Variants in PSPH observed in about 807,000 individuals in gnomAD.
PSPH encodes phosphoserine phosphatase, also known as L-3-phosphoserine phosphatase.
A neutral mutation model predicts 23.4 loss-of-function variants in PSPH; 16 were observed. That is an observed-to-expected ratio of 0.68 (90% CI 0.46 to 1.04). The LOEUF (loss-of-function observed/expected upper bound fraction) is 1.04. PSPH is among the 50% of genes least tolerant of loss of function. PSPH has a pLI of 0.00. For missense variants in PSPH, 223 were observed against 273.7 expected (o/e 0.81, Z 1.31); for synonymous variants, 68 against 99.7 (o/e 0.68, Z 1.89).
In PSPH at chr7:56,017,266, A is replaced by C. The variant is rs1207969767; in HGVS notation, c.389T>G (p.Val130Gly). Residue 130 changes from valine to glycine, a missense_variant, in exon 6 of 8, where the codon GTA becomes GGA. Val to Gly is a moderately radical substitution (Grantham distance 109). Coordinates refer to ENST00000275605, the MANE Select transcript of PSPH (RefSeq NM_004577.4). ...GTAGAATTTCAGCCTATTGGCAAAT[A>C]CATTGGTTGCTGGGATATTGAGCTT... is the stretch of plus-strand genomic sequence containing the variant. ...ASKLNIPATN[V>G]FANRLKFYFN... The C allele has an allele frequency of 6.2e-7, 1 of 1,613,978 alleles. No individual in the cohort carries two copies. The highest frequency in any genetic ancestry group is 2.2e-5 in the East Asian group (1 of 44,874).
At chr7:56,014,782 A>G (rs1298247079) in intron 7 of PSPH, among the ~76,000 whole-genome samples, 1 of 152,088 alleles carries the variant, frequency 6.6e-6, no homozygotes, top group East Asian at 1.9e-4. Flanking sequence ...TGTCTCTACT[A>G]AAAATACAAA....
In PSPH at chr7:56,011,778, C is replaced by T; in HGVS notation, c.662G>A (p.Gly221Glu). The change falls in exon 8 of 8, where the codon GGA becomes GAA. Residue 221 changes from glycine to glutamate, a missense_variant. Coordinates refer to ENST00000275605, the MANE Select transcript of PSPH (RefSeq NM_004577.4). The stretch of plus-strand genomic sequence containing the variant: ...CAATGGATGTTATTCTTCCAGTTCT[C>T]CCAGCAGCTCTACAAAATCAGTGAT... ...WYITDFVELL[G>E]ELEE 1 of 1,612,226 alleles carries T rather than the reference C, an allele frequency of 6.2e-7. No homozygotes were observed. Among genetic ancestry groups the T allele is most frequent in the South Asian group, 1.1e-5 (1 of 91,038 alleles).
intron 5 of PSPH, among the ~76,000 whole-genome samples, chr7:56,019,220 T>C (rs1473458619): frequency 6.6e-6 from 1 of 151,980 alleles, no homozygotes; most frequent in African/African-American, 2.4e-5. Context: ...GGCAGGCAGA[T>C]CATTTGAGGT....
chr7:56,050,512 C>T (rs1371646636), intron 1 of PSPH, among the ~76,000 whole-genome samples: 9 of 152,124 alleles, frequency 5.9e-5, no homozygotes, highest in African/African-American at 1.9e-4. Context: ...GTGATGCCCC[C>T]GCCTCATCCT....
chr7:56,041,621 G>A (rs896253077), intron 1 of PSPH, among the ~76,000 whole-genome samples: 5 of 152,098 alleles, frequency 3.3e-5, no homozygotes, highest in African/African-American at 1.2e-4. Context: ...GACATGGAGA[G>A]ACATTAGAAA....
intron 3 of PSPH, among the ~76,000 whole-genome samples, chr7:56,022,942 C>A (rs1303268349): frequency 6.6e-6 from 1 of 152,062 alleles, no homozygotes; most frequent in East Asian, 1.9e-4. Flanking sequence ...ACCTGTAGTC[C>A]CAGCTTCTCA....
chr7:56,050,940 A>G (rs10254613), intron 1 of PSPH, among the ~76,000 whole-genome samples, 198 bp downstream of exon 1: 4,723 of 152,242 alleles, frequency 0.031, 241 homozygotes, highest in African/African-American at 0.11. Context: ...ACACTTTGGA[A>G]GGCCGAGGCG....
chr7:56,049,383 AT>A, intron 1 of PSPH, among the ~76,000 whole-genome samples: 1 of 152,038 alleles, frequency 6.6e-6, no homozygotes, highest in South Asian at 2.1e-4. Flanking sequence ...TATACATGTT[AT>A]TTAAATTGTT....
At position 56,011,672 on chromosome 7, in the gene PSPH, T is replaced by C; in HGVS notation, c.*90A>G. 1.0e-6 allele frequency: 1 copy of C among 1,003,732 alleles called. No individual in the cohort carries two copies. The highest frequency in any genetic ancestry group is 1.8e-5 in the Admixed American group (1 of 56,886). 62.2% of individuals were successfully genotyped at this position (1,003,732 alleles called of 1,614,324 possible). The stretch of plus-strand genomic sequence containing the variant: ...ATTTGTACCAACTTTCTATAGCAAG[T>C]TGTAATAGGCAACTGTAAGCAAACA... On this transcript the variant is annotated 3_prime_UTR_variant, in exon 8 of 8. Transcript: ENST00000275605.
chr7:56,035,203 T>C (rs1791577147), intron 1 of PSPH, among the ~76,000 whole-genome samples: 1 of 151,986 alleles, frequency 6.6e-6, no homozygotes, highest in Admixed American at 6.6e-5. Context: ...TAGCGGGGCA[T>C]GGTGGTGCAT....
intron 4 of PSPH, among the ~76,000 whole-genome samples, chr7:56,020,640 A>G (rs1310414588): frequency 1.3e-5 from 2 of 151,856 alleles, no homozygotes; most frequent in Non-Finnish European, 2.9e-5. Flanking sequence ...AAAAAAAAAG[A>G]AAATGACATG....
intron 1 of PSPH, among the ~76,000 whole-genome samples, chr7:56,044,032 C>T (rs1168734545): frequency 6.6e-6 from 1 of 152,018 alleles, no homozygotes; most frequent in Non-Finnish European, 1.5e-5. Context: ...TCTTGGTGCA[C>T]CGCAACTGTC....
chr7:56,028,608 A>G (rs1790527232), intron 3 of PSPH, among the ~76,000 whole-genome samples: 1 of 151,994 alleles, frequency 6.6e-6, no homozygotes, highest in Non-Finnish European at 1.5e-5. Flanking sequence ...TCCCTAGGAG[A>G]CTGAGCTGGA....
At chr7:56,047,475 T>C (rs556554300) in intron 1 of PSPH, among the ~76,000 whole-genome samples, 21 of 152,036 alleles carry the variant, frequency 1.4e-4, no homozygotes, top group Non-Finnish European at 2.5e-4. Flanking sequence ...TCCCATAAGA[T>C]GCTTATTAAA....
intron 3 of PSPH, among the ~76,000 whole-genome samples, chr7:56,030,982 C>T (rs1345970719): frequency 4.0e-5 from 6 of 151,548 alleles, no homozygotes; most frequent in Admixed American, 6.6e-5. Flanking sequence ...GAGGCTGAGG[C>T]GGGTGGATCA....
At chr7:56,016,247 T>C (rs1017446663) in intron 6 of PSPH, among the ~76,000 whole-genome samples, 1 of 149,056 alleles carries the variant, frequency 6.7e-6, no homozygotes, top group African/African-American at 2.5e-5. Flanking sequence ...AAAAAAAAAA[T>C]ACAAAAATTA....
intron 3 of PSPH, among the ~76,000 whole-genome samples, chr7:56,021,757 G>A (rs1466950416): frequency 1.3e-5 from 2 of 150,752 alleles, no homozygotes; most frequent in African/African-American, 2.4e-5. Flanking sequence ...AGAACATCCT[G>A]GCTAACACAG....
Position 56,019,745 on chromosome 7 carries a change from G to T in PSPH, c.141-11C>A. On this transcript the variant is annotated splice_polypyrimidine_tract_variant and intron_variant, in intron 4 of 7. Transcript: ENST00000275605. ...ATGGCTCGCCGTGTCCTAGGAGGGA[G>T]ACCCAACAGTCAGGCCAGCCAGGTC... 6.2e-7 allele frequency: 1 copy of T among 1,612,452 alleles called. No individual in the cohort carries two copies.
At chr7:56,049,018 C>T (rs1252085183) in intron 1 of PSPH, among the ~76,000 whole-genome samples, 1 of 151,468 alleles carries the variant, frequency 6.6e-6, no homozygotes, top group Non-Finnish European at 1.5e-5. Context: ...CTCTTGGATT[C>T]ATGCCATTCT....
Sources: allele counts gnomAD v4.1 joint callset (sites outside exome capture counted in the v4.1 genomes callset), GRCh38; gene constraint gnomAD v4.1.1; transcripts MANE v1.5; gene names NCBI Gene and HGNC (gene_info 2026-07-23, HGNC 2026-07-21).